The following NKIRAS1 variants were observed in gnomAD, a reference collection of about 807,000 sequenced individuals.
NKIRAS1 encodes NFKB inhibitor interacting Ras like 1, also known as NF-kappa-B inhibitor-interacting Ras-like protein 1.
Under a neutral mutation model 19.8 loss-of-function variants are expected in NKIRAS1, and 16 were observed. The ratio of observed to expected loss-of-function variants is 0.81; its 90% confidence interval spans 0.55 to 1.23. NKIRAS1 has a LOEUF of 1.23. Among genes scored for constraint, NKIRAS1 ranks in the 50% most tolerant of loss-of-function variants. The probability of loss-of-function intolerance (pLI) is 0.00; values close to 1 mark genes in which losing one functional copy is unlikely to be tolerated. For missense variants in NKIRAS1, 184 were observed against 220.0 expected, an observed-to-expected ratio of 0.84 and a Z score of 1.04; for synonymous variants, 88 against 79.0, an observed-to-expected ratio of 1.11 and a Z score of -0.61.
chr3:23,940,355 A>AAC (rs60966287), intron 1 of NKIRAS1, among the ~76,000 whole-genome samples: 4 of 151,484 alleles, frequency 2.6e-5, no homozygotes, highest in Non-Finnish European at 4.4e-5. Flanking sequence ...CTAAAAAAAA[A>AAC]TTAAAAAAAC....
rs533139912 is a variant in NKIRAS1, at chr3:23,928,285, G to A, written c.-139-16835C>T. The stretch of plus-strand genomic sequence containing the variant: ...AGCCTGGGCAACAGAGCAAGACTCT[G>A]TCTCAAAAATAAATAAATAAATAAA... On this transcript the variant is annotated intron_variant, in intron 1 of 4. Transcript: ENST00000421515. Among the ~76,000 whole-genome samples the A allele has an allele frequency of 5.8e-5, 8 of 136,956 alleles. No individual in the cohort carries two copies. In the East Asian group the frequency reaches 1.7e-3, roughly 28 times the overall value. The allele number at this position is 136,956 out of a possible 152,430, so 89.8% of individuals were successfully genotyped here. A position where few individuals can be genotyped will look rare whatever the true frequency, so the allele number is the denominator to read the frequency against.
chr3:23,897,282 T>C (rs1553642165), intron 4 of NKIRAS1, among the ~76,000 whole-genome samples: 2 of 152,064 alleles, frequency 1.3e-5, no homozygotes, highest in Non-Finnish European at 2.9e-5. Context: ...AAACTCTGGA[T>C]GACTGCCCCA....
intron 1 of NKIRAS1, among the ~76,000 whole-genome samples, chr3:23,942,797 GGAA>G (rs2125272524): frequency 6.6e-6 from 1 of 152,142 alleles, no homozygotes; most frequent in African/African-American, 2.4e-5. Context: ...CACCCAGACT[GGAA>G]TGCACTGGGG....
chr3:23,918,041 C>T (rs746395128), upstream of NKIRAS1: 22 of 1,603,350 alleles, frequency 1.4e-5, no homozygotes, highest in Non-Finnish European at 1.9e-5. Flanking sequence ...GGTACGTGAT[C>T]GACTGCGTGG....
Position 23,927,904 on chromosome 3 carries a change from T to G in NKIRAS1, c.-139-16454A>C, listed in dbSNP as rs1420369059. Among the ~76,000 whole-genome samples, 1 of 150,792 alleles carries G rather than the reference T, an allele frequency of 6.6e-6. No individual in the cohort carries two copies. The highest frequency in any genetic ancestry group is 1.5e-5 in the Non-Finnish European group (1 of 67,660). ...GACCAGCCTGGGCAACATGGTGAGA[T>G]CCTGTCTCTACAAAAGATTAAACAA... On this transcript the variant is annotated intron_variant, in intron 1 of 4. Coordinates refer to the NKIRAS1 transcript ENST00000421515. The surrounding 1 kb of genome is among the most constrained non-coding windows in gnomAD (Gnocchi z 4.0).
At chr3:23,894,076 ACTG>A (rs1313491930) in intron 4 of NKIRAS1, among the ~76,000 whole-genome samples, 1 of 152,210 alleles carries the variant, frequency 6.6e-6, no homozygotes, top group East Asian at 1.9e-4. Context: ...TAAAAAGGTG[ACTG>A]CTAAGTGTCT....
At chr3:23,917,552 C>G (rs1704696416), upstream of NKIRAS1, 2 of 284,602 alleles carry the variant, frequency 7.0e-6, no homozygotes, top group African/African-American at 4.4e-5. Flanking sequence ...CTTTCAGGTC[C>G]TCCTTGGGGA....
chr3:23,943,839 AGAAGCAGGACCCACATCTGTGCAGGGC>A (rs916262534), intron 1 of NKIRAS1, among the ~76,000 whole-genome samples: 4 of 152,256 alleles, frequency 2.6e-5, no homozygotes, highest in African/African-American at 9.6e-5. Flanking sequence ...CCTTGGAAAG[AGAAGCAGGACCCACATCTGTGCAGGGC>A]GAAGCAGGTC....
At chr3:23,908,715 G>A (rs1411529623) in intron 3 of NKIRAS1, among the ~76,000 whole-genome samples, 6 of 151,920 alleles carry the variant, frequency 3.9e-5, no homozygotes, top group African/African-American at 1.5e-4. Flanking sequence ...GGTCTCCTAA[G>A]TTGGAACATA....
In NKIRAS1 at chr3:23,893,196, G is replaced by T; in HGVS notation, c.478C>A (p.Pro160Thr). 1 of 1,613,974 alleles carries T rather than the reference G, an allele frequency of 6.2e-7. No individual in the cohort carries two copies. Among genetic ancestry groups the T allele is most frequent in the African/African-American group, 1.3e-5 (1 of 75,028 alleles). The change falls in exon 5 of 5, where the codon CCA becomes ACA. Residue 160 changes from proline (P) to threonine (T), a missense_variant. Pro to Thr is a conservative substitution (Grantham distance 38). Transcript: ENST00000425478. ...TVTDRKTLIEPFTLLASKLSQ... is the reference protein window; with the variant it reads ...TVTDRKTLIETFTLLASKLSQ... ...AGTTTACTGGCTAATAAAGTGAATGGTTCAATCAGAGTTTTCCGATCTGTA... is the reference window on the plus strand; with the variant it reads ...AGTTTACTGGCTAATAAAGTGAATGTTTCAATCAGAGTTTTCCGATCTGTA...
intron 3 of NKIRAS1, among the ~76,000 whole-genome samples, chr3:23,909,027 G>A (rs1382753057): frequency 1.3e-5 from 2 of 152,102 alleles, no homozygotes; most frequent in East Asian, 1.9e-4. Context: ...GTAAATGTTG[G>A]AAGATACAGC....
At chr3:23,918,394 T>C, upstream of NKIRAS1, 1 of 1,600,028 alleles carries the variant, frequency 6.2e-7, no homozygotes, top group Non-Finnish European at 8.5e-7. Flanking sequence ...TCTTAAGCCT[T>C]ACGGCTTCCT....
chr3:23,919,157 A>G (rs767559739), upstream of NKIRAS1: 11 of 1,387,618 alleles, frequency 7.9e-6, no homozygotes, highest in African/African-American at 1.4e-5. Context: ...GCTATAGGCA[A>G]TGTGGGAGAT....
chr3:23,946,304 G>C (rs1462908556), intron 1 of NKIRAS1: 19 of 985,274 alleles, frequency 1.9e-5, no homozygotes, highest in African/African-American at 3.5e-5. Context: ...GGCGCCTGGG[G>C]AGGCTGGTAG....
At chr3:23,893,746 C>G (rs1419375969) in intron 4 of NKIRAS1, among the ~76,000 whole-genome samples, 1 of 140,608 alleles carries the variant, frequency 7.1e-6, no homozygotes, top group Non-Finnish European at 1.5e-5. Flanking sequence ...GTGCAGTAAG[C>G]CGAGATGGCG....
At chr3:23,944,361 C>T (rs4858564) in intron 1 of NKIRAS1, among the ~76,000 whole-genome samples, 19,759 of 152,148 alleles carry the variant, frequency 0.13, 1,800 homozygotes, top group African/African-American at 0.25. Context: ...AAGAGTTTTA[C>T]AAGCAACACC....
At chr3:23,894,462 ACTCTATCT>A (rs1701782613) in intron 4 of NKIRAS1, among the ~76,000 whole-genome samples, 1 of 151,618 alleles carries the variant, frequency 6.6e-6, no homozygotes, top group African/African-American at 2.4e-5. Context: ...GGAATCACAT[ACTCTATCT>A]CATCTTTCAA....
chr3:23,902,065 C>T (rs565751571), intron 3 of NKIRAS1, among the ~76,000 whole-genome samples: 3 of 152,222 alleles, frequency 2.0e-5, no homozygotes, highest in East Asian at 3.9e-4. Flanking sequence ...CAGAGCAAGA[C>T]TCCGTCTCAA....
chr3:23,944,724 C>T (rs1195992610), intron 1 of NKIRAS1, among the ~76,000 whole-genome samples: 1 of 151,770 alleles, frequency 6.6e-6, no homozygotes, highest in Admixed American at 6.6e-5. Flanking sequence ...ATCACAAGAA[C>T]ATAGGTCTAC....
Sources: gnomAD v4.1 joint callset for allele counts (sites outside exome capture counted in the v4.1 genomes callset) on GRCh38, gnomAD v4.1.1 for gene constraint, Gnocchi (gnomAD v3.1) non-coding constraint, MANE v1.5 for transcripts, NCBI Gene and HGNC (gene_info 2026-07-23, HGNC 2026-07-21) for gene names.